LRP1B: variants seen among roughly 807,000 people sequenced by gnomAD.
LRP1B encodes the protein LDL receptor related protein 1B.
LRP1B carries 217 observed loss-of-function variants against 556.6 expected under a neutral mutation model. That is an observed-to-expected ratio of 0.39 (90% CI 0.35 to 0.44). The LOEUF (loss-of-function observed/expected upper bound fraction) is 0.44. LRP1B is among the 20% of genes least tolerant of loss of function. The pLI is 1.00. For missense variants in LRP1B, 5,053 were observed against 5,620.8 expected (o/e 0.90, Z 3.23); for synonymous variants, 2,047 against 1,865.8 (o/e 1.10, Z -2.50).
chr2:140,304,537 T>C (rs1354116015), intron 83 of LRP1B, among the ~76,000 whole-genome samples: 1 of 152,208 alleles, frequency 6.6e-6, no homozygotes, highest in African/African-American at 2.4e-5. Context: ...TTGAGTTCTT[T>C]GTAGATTGTG....
intron 43 of LRP1B, among the ~76,000 whole-genome samples, chr2:140,595,070 A>G (rs1468371109): frequency 7.0e-6 from 1 of 141,990 alleles, no homozygotes; most frequent in African/African-American, 2.6e-5. Flanking sequence ...ATCTACTTAA[A>G]AATAAAATAT....
At chr2:141,580,120 C>T (rs144155270) in intron 2 of LRP1B, among the ~76,000 whole-genome samples, 3 of 152,170 alleles carry the variant, frequency 2.0e-5, no homozygotes, top group African/African-American at 7.2e-5. Flanking sequence ...GGAATCCTTA[C>T]TTTCTATAAT....
chr2:141,779,579 G>A (rs891187332), intron 2 of LRP1B, among the ~76,000 whole-genome samples: 1 of 151,918 alleles, frequency 6.6e-6, no homozygotes, highest in Admixed American at 6.6e-5. Context: ...ACCACGCCCA[G>A]CTAATTTTTG....
At chr2:140,355,620 A>G (rs1485422276) in intron 75 of LRP1B, among the ~76,000 whole-genome samples, 1 of 151,930 alleles carries the variant, frequency 6.6e-6, no homozygotes, top group Non-Finnish European at 1.5e-5. Context: ...GCACTTAAAG[A>G]CTTGAATTTA....
intron 18 of LRP1B, among the ~76,000 whole-genome samples, chr2:140,973,006 A>G (rs915814892): frequency 6.8e-6 from 1 of 146,688 alleles, no homozygotes; most frequent in African/African-American, 2.5e-5. Flanking sequence ...CATATGTAAC[A>G]TGTTTAGGGC....
intron 6 of LRP1B, among the ~76,000 whole-genome samples, chr2:141,207,032 G>A (rs939923114): frequency 6.6e-6 from 1 of 152,162 alleles, no homozygotes; most frequent in Non-Finnish European, 1.5e-5. Context: ...GTCAACTGAA[G>A]CAGTAGTAGT....
intron 75 of LRP1B, among the ~76,000 whole-genome samples, chr2:140,353,624 C>T (rs1055131560): frequency 1.3e-5 from 2 of 152,080 alleles, no homozygotes; most frequent in South Asian, 2.1e-4. Context: ...GAAATAAAGC[C>T]TTCCTTGGTC....
chr2:141,233,027 T>G (rs1234921474), intron 5 of LRP1B, among the ~76,000 whole-genome samples: 1 of 152,182 alleles, frequency 6.6e-6, no homozygotes, highest in East Asian at 1.9e-4. Context: ...CACATGCCAA[T>G]TGAAGAGCAC....
intron 84 of LRP1B, among the ~76,000 whole-genome samples, chr2:140,279,149 C>T (rs1682813108): frequency 6.6e-6 from 1 of 152,048 alleles, no homozygotes; most frequent in South Asian, 2.1e-4. Flanking sequence ...TCATTTCCCA[C>T]TCCAAGACTC....
chr2:141,308,065 G>A (rs968584476), intron 3 of LRP1B, among the ~76,000 whole-genome samples: 3 of 152,184 alleles, frequency 2.0e-5, no homozygotes, highest in African/African-American at 7.2e-5. Flanking sequence ...AAGTGCTTAT[G>A]TGCCAACACT....
chr2:140,521,433 T>G (rs1274764571), intron 49 of LRP1B, among the ~76,000 whole-genome samples: 2 of 151,914 alleles, frequency 1.3e-5, no homozygotes, highest in African/African-American at 4.8e-5. Flanking sequence ...AGTTAAGAAT[T>G]TTACACTAAC....
intron 11 of LRP1B, among the ~76,000 whole-genome samples, chr2:141,026,937 A>G (rs2105407535): frequency 6.6e-6 from 1 of 152,244 alleles, no homozygotes; most frequent in African/African-American, 2.4e-5. Flanking sequence ...ACAAGGACCT[A>G]TGATTAGTTA....
At chr2:141,738,106 T>A (rs181128640) in intron 2 of LRP1B, among the ~76,000 whole-genome samples, 2 of 152,208 alleles carry the variant, frequency 1.3e-5, no homozygotes, top group East Asian at 3.9e-4. Context: ...GTACTACCTA[T>A]CATAGTATGC....
At chr2:140,307,509 T>A (rs1401682768) in intron 83 of LRP1B, among the ~76,000 whole-genome samples, 3 of 151,830 alleles carry the variant, frequency 2.0e-5, no homozygotes, top group African/African-American at 7.2e-5. Flanking sequence ...GGACATAAGA[T>A]GCTCCTAAGA....
intron 1 of LRP1B, among the ~76,000 whole-genome samples, chr2:141,989,965 T>C (rs1702300517): frequency 6.6e-6 from 1 of 152,226 alleles, no homozygotes; most frequent in Non-Finnish European, 1.5e-5. Context: ...CAATTTATAG[T>C]TCATAAGCCA....
At chr2:141,474,790 G>A (rs77666899) in intron 3 of LRP1B, among the ~76,000 whole-genome samples, 4,450 of 152,194 alleles carry the variant, frequency 0.029, 122 homozygotes, top group South Asian at 0.092. Flanking sequence ...AAGAAAAGAT[G>A]AGTATGTGTG....
chr2:140,588,906 G>T (rs1274370036), intron 43 of LRP1B, among the ~76,000 whole-genome samples: 3 of 148,884 alleles, frequency 2.0e-5, no homozygotes, highest in Non-Finnish European at 3.0e-5. Flanking sequence ...GTTGCAGTGA[G>T]CCGAGACTGC....
At chr2:141,965,796 TC>T (rs1295040445) in intron 1 of LRP1B, among the ~76,000 whole-genome samples, 9 of 118,592 alleles carry the variant, frequency 7.6e-5, no homozygotes, top group South Asian at 2.5e-4. Context: ...TAAATATGTA[TC>T]CAAAAAAAAA....
chr2:140,733,328 T>C (rs929931468), intron 35 of LRP1B, among the ~76,000 whole-genome samples: 4 of 152,184 alleles, frequency 2.6e-5, no homozygotes, highest in Admixed American at 2.0e-4. Context: ...GCTCTAGAGA[T>C]GTCTAAGTGC....
Sources: allele counts gnomAD v4.1 joint callset (sites outside exome capture counted in the v4.1 genomes callset), GRCh38; gene constraint gnomAD v4.1.1; transcripts MANE v1.5; gene names NCBI Gene and HGNC (gene_info 2026-07-23, HGNC 2026-07-21).